The following TMCC3 variants were observed in gnomAD, a reference collection of about 807,000 sequenced individuals.
TMCC3 encodes the protein transmembrane and coiled-coil domain family 3, also known as transmembrane and coiled-coil domain protein 3.
In TMCC3, 28 loss-of-function variants were observed where a neutral mutation model predicts 40.2. The ratio of observed to expected loss-of-function variants is 0.70; its 90% confidence interval spans 0.52 to 0.95. The LOEUF (loss-of-function observed/expected upper bound fraction) is 0.95, where lower values mean the gene tolerates loss of function less well. Among genes scored for constraint, TMCC3 ranks in the 40% least tolerant of loss-of-function variants. TMCC3 has a pLI of 0.00. For missense variants in TMCC3, 554 were observed against 615.2 expected (o/e 0.90, Z 1.05); for synonymous variants, 255 against 248.5 (o/e 1.03, Z -0.25).
chr12:94,608,971 T>C (rs1249187255), intron 1 of TMCC3, among the ~76,000 whole-genome samples: 1 of 152,156 alleles, frequency 6.6e-6, no homozygotes, highest in African/African-American at 2.4e-5. Flanking sequence ...CTGTGGCCCA[T>C]ACCTGTAATC....
intron 1 of TMCC3, among the ~76,000 whole-genome samples, chr12:94,591,743 C>T (rs1241459063): frequency 6.6e-6 from 1 of 152,114 alleles, no homozygotes. Flanking sequence ...GCCTGGGCAA[C>T]AGAGGGAGAC....
Position 94,569,409 on chromosome 12 carries a change from A to C in TMCC3, c.*2026T>G, listed in dbSNP as rs924621671. On this transcript the variant is annotated 3_prime_UTR_variant, in exon 4 of 4. Transcript: ENST00000261226. ...TCCTTATCTGTCTCCCAGACTTGAA[A>C]GATCAGTGTATACACATCAACGCGG... The C allele has an allele frequency of 1.3e-5, 2 of 152,312 alleles. No individual in the cohort carries two copies. Among genetic ancestry groups the C allele is most frequent in the African/African-American group, 4.8e-5 (2 of 41,472 alleles). 9.4% of individuals were successfully genotyped at this position (152,312 alleles called of 1,614,324 possible).
chr12:94,633,095 G>C (rs1472195513), intron 1 of TMCC3, among the ~76,000 whole-genome samples: 1 of 151,946 alleles, frequency 6.6e-6, no homozygotes, highest in Non-Finnish European at 1.5e-5. Flanking sequence ...GACAGAGTGA[G>C]ACTGTCTCAA....
intron 1 of TMCC3, among the ~76,000 whole-genome samples, chr12:94,637,712 C>G (rs958862230): frequency 6.6e-6 from 1 of 152,188 alleles, no homozygotes; most frequent in Admixed American, 6.5e-5. Context: ...AGCAATATAC[C>G]TGTCCTTTAA....
At chr12:94,603,600 G>GTGGT (rs568222826) in intron 1 of TMCC3, among the ~76,000 whole-genome samples, 106 of 152,286 alleles carry the variant, frequency 7.0e-4, no homozygotes, top group African/African-American at 2.5e-3. Context: ...GGTGAGAAGA[G>GTGGT]TGGTTACCCT....
chr12:94,572,221 A>C (rs1406686067), intron 3 of TMCC3, among the ~76,000 whole-genome samples: 1 of 150,432 alleles, frequency 6.6e-6, no homozygotes, highest in Non-Finnish European at 1.5e-5. Flanking sequence ...GAAGGTCTCG[A>C]TCTCCTGACC....
At chr12:94,578,013 G>T (rs990017332) in intron 3 of TMCC3, among the ~76,000 whole-genome samples, 4 of 151,666 alleles carry the variant, frequency 2.6e-5, no homozygotes, top group African/African-American at 9.7e-5. Flanking sequence ...GCCAGGCATG[G>T]TGGCATGTGC....
intron 1 of TMCC3, among the ~76,000 whole-genome samples, chr12:94,636,788 C>T (rs947504274): frequency 6.6e-6 from 1 of 152,210 alleles, no homozygotes; most frequent in Admixed American, 6.5e-5. Flanking sequence ...CAGCCTCTGG[C>T]GGCTGAGGGC....
At chr12:94,625,593 CAA>C (rs540684724) in intron 1 of TMCC3, among the ~76,000 whole-genome samples, 10 of 105,044 alleles carry the variant, frequency 9.5e-5, no homozygotes, top group Admixed American at 1.0e-4. Flanking sequence ...GACTCCATCT[CAA>C]AAAAAAAAAA....
At position 94,605,362 on chromosome 12, in the gene TMCC3, G is replaced by A. The variant is rs116125693; in HGVS notation, c.79-22824C>T. Among the ~76,000 whole-genome samples, 775 of 152,342 alleles carry A rather than the reference G, an allele frequency of 5.1e-3. 10 individuals are homozygous for A. The highest frequency in any genetic ancestry group is 0.017 in the African/African-American group (716 of 41,578). Reference sequence around the variant, plus strand: ...TACAGCACTGTGACTATACTACACAGAGGGATTTTGGATTTAGTTCAGGTC... The same window carrying A: ...TACAGCACTGTGACTATACTACACAAAGGGATTTTGGATTTAGTTCAGGTC... On this transcript the variant is annotated intron_variant, in intron 1 of 3. Coordinates refer to ENST00000261226, the MANE Select transcript of TMCC3 (RefSeq NM_020698.4).
chr12:94,646,977 C>T (rs2069023202), intron 1 of TMCC3, among the ~76,000 whole-genome samples: 1 of 152,020 alleles, frequency 6.6e-6, no homozygotes, highest in Non-Finnish European at 1.5e-5. Context: ...CATTTTAGAA[C>T]ACTTAAAATG....
chr12:94,585,789 G>T (rs978072833), intron 1 of TMCC3, among the ~76,000 whole-genome samples: 1 of 152,198 alleles, frequency 6.6e-6, no homozygotes, highest in Non-Finnish European at 1.5e-5. Flanking sequence ...TGACATGCCT[G>T]TTGCTCTGTG....
At chr12:94,634,425 A>G (rs1345438529) in intron 1 of TMCC3, among the ~76,000 whole-genome samples, 1 of 152,186 alleles carries the variant, frequency 6.6e-6, no homozygotes, top group African/African-American at 2.4e-5. Context: ...TTTAAAAAAA[A>G]AAAGTCTGTT....
intron 1 of TMCC3, among the ~76,000 whole-genome samples, chr12:94,625,192 A>G (rs1386962585): frequency 2.0e-5 from 3 of 151,784 alleles, no homozygotes; most frequent in Non-Finnish European, 4.4e-5. Context: ...TTACCTCTGT[A>G]AAGACTGTAT....
Position 94,582,389 on chromosome 12 carries a change from T to C in TMCC3, c.228A>G (p.Leu76=), listed in dbSNP as rs1364835672. 6.2e-7 allele frequency: 1 copy of C among 1,613,982 alleles called. No homozygotes were observed. The highest frequency in any genetic ancestry group is 1.7e-5 in the Admixed American group (1 of 59,986). ...CAATTTTTATCTGCTCTGTTACCTT[T>C]AGAATTTTTTGCTTCAGGCTGTCTG... is the stretch of plus-strand genomic sequence containing the variant. ...LTADSLKQKI[L]KVTEQIKIEQ... Residue 76 remains leucine, a synonymous_variant, in exon 2 of 4, where the codon CTA becomes CTG. Transcript: ENST00000261226.
At chr12:94,595,112 T>C (rs756460990) in intron 1 of TMCC3, among the ~76,000 whole-genome samples, 1 of 152,180 alleles carries the variant, frequency 6.6e-6, no homozygotes, top group Non-Finnish European at 1.5e-5. Flanking sequence ...AAACGTAGAG[T>C]AACTGTTAGA....
rs146917022 is a variant in TMCC3, at chr12:94,588,761, C to T, written c.79-6223G>A. ...GTCTAGGCCAACCTTGTCCAATCCA[C>T]GGCCCAGCATGGCTTTGAATGCAGC... On this transcript the variant is annotated intron_variant, in intron 1 of 3. Transcript: ENST00000261226. Among the ~76,000 whole-genome samples the T allele has an allele frequency of 5.5e-3, 845 of 152,270 alleles. 7 individuals carry two copies. The highest frequency in any genetic ancestry group is 0.031 in the Middle Eastern group (9 of 294).
intron 1 of TMCC3, among the ~76,000 whole-genome samples, chr12:94,630,701 T>C (rs2068928443): frequency 6.6e-6 from 1 of 151,942 alleles, no homozygotes; most frequent in Non-Finnish European, 1.5e-5. Context: ...TTTCTGCGTA[T>C]ATCTTGTAAA....
chr12:94,650,264 G>C, intron 1 of TMCC3, 89 bp downstream of exon 1: 1 of 824,762 alleles, frequency 1.2e-6, no homozygotes, highest in Non-Finnish European at 1.6e-6. Flanking sequence ...AAACGCCGGG[G>C]GCGCGTGGGT....
Sources: allele counts gnomAD v4.1 joint callset (sites outside exome capture counted in the v4.1 genomes callset), GRCh38; gene constraint gnomAD v4.1.1; transcripts MANE v1.5; gene names NCBI Gene and HGNC (gene_info 2026-07-23, HGNC 2026-07-21).